TANC2: variants seen among roughly 807,000 people sequenced by gnomAD.
TANC2 encodes protein TANC2.
A neutral mutation model predicts 210.5 loss-of-function variants in TANC2; 26 were observed. The ratio of observed to expected loss-of-function variants is 0.12; its 90% CI spans 0.09 to 0.17. The LOEUF (loss-of-function observed/expected upper bound fraction) is 0.17, where lower values mean the gene tolerates loss of function less well. Ranked by LOEUF, TANC2 falls within the 10% of genes least tolerant of loss-of-function variation. The pLI, the probability that TANC2 is intolerant of heterozygous loss-of-function variation, is 1.00. For missense variants in TANC2, 2,129 were observed against 2,608.9 expected, an observed-to-expected ratio of 0.82 and a Z score of 4.01; for synonymous variants, 931 against 967.1, an observed-to-expected ratio of 0.96 and a Z score of 0.69.
intron 1 of TANC2, among the ~76,000 whole-genome samples, chr17:62,969,372 C>T (rs2031556129): frequency 6.6e-6 from 1 of 152,178 alleles, no homozygotes; most frequent in Non-Finnish European, 1.5e-5. Context: ...CTGTGCTCCT[C>T]ATCAATATGC....
chr17:63,123,683 C>CTTT lies in TANC2; in HGVS notation c.322+24347_322+24349dup, dbSNP rs957485298. On this transcript the variant is annotated intron_variant, in intron 4 of 27. Transcript: ENST00000689528. ...GTTAAAACTGTAGAGTAGGTAAAAT[C>CTTT]TTTTTTTTTTTTTTTTTTTTTTTGA... 4.3e-3 allele frequency among the ~76,000 whole-genome samples: 400 copies of CTTT among 93,912 alleles called. 3 individuals carry two copies. The highest frequency in any genetic ancestry group is 5.5e-3 in the African/African-American group (122 of 22,286). 61.6% of individuals were successfully genotyped at this position (93,912 alleles called of 152,430 possible).
intron 6 of TANC2, among the ~76,000 whole-genome samples, chr17:63,197,145 T>C (rs2041372612): frequency 6.6e-6 from 1 of 152,170 alleles, no homozygotes; most frequent in Admixed American, 6.5e-5. Flanking sequence ...ACTGTGTGAT[T>C]TGGGGGAAAT....
At chr17:63,347,482 A>G (rs1381757406) in intron 12 of TANC2, among the ~76,000 whole-genome samples, 1 of 152,246 alleles carries the variant, frequency 6.6e-6, no homozygotes. Context: ...CACTATATAT[A>G]AATTTTGTTG....
At chr17:63,014,036 C>T (rs2033996843) in intron 2 of TANC2, among the ~76,000 whole-genome samples, 1 of 151,936 alleles carries the variant, frequency 6.6e-6, no homozygotes, top group African/African-American at 2.4e-5. Flanking sequence ...TTTTGACTTA[C>T]CTTACATACT....
intron 19 of TANC2, 89 bp downstream of exon 19, chr17:63,399,003 T>G (rs917655261): frequency 1.1e-6 from 1 of 941,958 alleles, no homozygotes; most frequent in African/African-American, 1.7e-5. Flanking sequence ...TGGCATACAT[T>G]TGGCAGTCTT....
intron 3 of TANC2, among the ~76,000 whole-genome samples, chr17:63,086,524 T>A (rs1008032992): frequency 5.3e-5 from 8 of 152,350 alleles, no homozygotes; most frequent in African/African-American, 1.9e-4. Flanking sequence ...GTTTTTGATG[T>A]ACGTTTTCTT....
At chr17:63,411,313 G>A (rs948208957) in intron 21 of TANC2, among the ~76,000 whole-genome samples, 198 bp from the exon 22 acceptor site, 3 of 152,170 alleles carry the variant, frequency 2.0e-5, no homozygotes, top group Admixed American at 1.3e-4. Context: ...TAAAACGACT[G>A]GAATCTGTTT....
intron 19 of TANC2, among the ~76,000 whole-genome samples, chr17:63,402,430 T>A (rs1046023630): frequency 1.3e-5 from 2 of 152,218 alleles, no homozygotes; most frequent in South Asian, 4.1e-4. Flanking sequence ...ATAAGTGTTT[T>A]ATTAATGTCA....
In TANC2 at chr17:63,395,945, A is replaced by G; in HGVS notation, c.3237+17A>G. 1 of 1,591,542 alleles carries G rather than the reference A, an allele frequency of 6.3e-7. No homozygotes were observed. Among genetic ancestry groups the G allele is most frequent in the Non-Finnish European group, 8.6e-7 (1 of 1,167,362 alleles). On this transcript the variant is annotated intron_variant, in intron 18 of 27. Coordinates refer to ENST00000689528, the Ensembl canonical transcript of TANC2. Reference sequence around the variant, plus strand: ...TATACTGAGGTAAGAAGTAGGCAATAGGATTGTTTTTTCAAGCTCTGTATT... The same window carrying G: ...TATACTGAGGTAAGAAGTAGGCAATGGGATTGTTTTTTCAAGCTCTGTATT...
At chr17:63,139,318 T>G (rs2039203693) in intron 4 of TANC2, among the ~76,000 whole-genome samples, 1 of 152,138 alleles carries the variant, frequency 6.6e-6, no homozygotes, top group Non-Finnish European at 1.5e-5. Flanking sequence ...GAGAATTAAG[T>G]CAAGTTGCTC....
chr17:63,244,753 T>A (rs1340359806), intron 8 of TANC2, among the ~76,000 whole-genome samples: 1 of 152,202 alleles, frequency 6.6e-6, no homozygotes, highest in Non-Finnish European at 1.5e-5. Context: ...CACCCAAAAC[T>A]CATTTTGAAT....
At chr17:63,161,662 A>G (rs1387521437) in intron 5 of TANC2, among the ~76,000 whole-genome samples, 1 of 152,074 alleles carries the variant, frequency 6.6e-6, no homozygotes, top group Non-Finnish European at 1.5e-5. Flanking sequence ...ATACTCTAAG[A>G]CCTGGACCAT....
chr17:63,041,498 T>C (rs531139479), intron 2 of TANC2, among the ~76,000 whole-genome samples: 1 of 152,170 alleles, frequency 6.6e-6, no homozygotes, highest in African/African-American at 2.4e-5. Context: ...GCCTCGGAGA[T>C]GGGAAGGGGT....
At chr17:63,176,622 A>G (rs1471426973) in intron 5 of TANC2, among the ~76,000 whole-genome samples, 2 of 152,000 alleles carry the variant, frequency 1.3e-5, no homozygotes, top group South Asian at 2.1e-4. Flanking sequence ...TGGCTAACAC[A>G]GTGAAACCCC....
At chr17:63,065,488 A>G (rs910577207) in intron 2 of TANC2, among the ~76,000 whole-genome samples, 17 of 152,214 alleles carry the variant, frequency 1.1e-4, no homozygotes, top group Non-Finnish European at 2.1e-4. Context: ...GAACCTCCAT[A>G]CTGTTTTCTA....
intron 5 of TANC2, among the ~76,000 whole-genome samples, chr17:63,190,956 T>G (rs2145728457): frequency 6.6e-6 from 1 of 152,240 alleles, no homozygotes; most frequent in East Asian, 1.9e-4. Context: ...AATCCTCCCT[T>G]TTAGTGATCT....
chr17:63,318,745 T>C (rs1482481746), intron 10 of TANC2, among the ~76,000 whole-genome samples: 1 of 152,212 alleles, frequency 6.6e-6, no homozygotes, highest in Non-Finnish European at 1.5e-5. Context: ...CATCAGTTGG[T>C]GGGCATTTAG....
At position 63,110,493 on chromosome 17, in the gene TANC2, G is replaced by A. The variant is rs1485519203; in HGVS notation, c.322+11136G>A. Among the ~76,000 whole-genome samples, 3 of 151,658 alleles carry A rather than the reference G, an allele frequency of 2.0e-5. 1 individual carries two copies. Among genetic ancestry groups the A allele is most frequent in the African/African-American group, 7.3e-5 (3 of 40,950 alleles). On this transcript the variant is annotated intron_variant, in intron 4 of 27. Transcript: ENST00000689528. ...AGAAATCTATTTTCTCACAGTTCTG[G>A]TGGCTGGGAAGTCTAAGATCAAGGC...
At chr17:63,107,123 GGAAGAAAAACAA>G (rs2037856721) in intron 4 of TANC2, among the ~76,000 whole-genome samples, 1 of 151,376 alleles carries the variant, frequency 6.6e-6, no homozygotes, top group South Asian at 2.1e-4. Context: ...AAATTGGAAT[GGAAGAAAAACAA>G]TAAGAAAAAT....
Sources: allele counts gnomAD v4.1 joint callset (sites outside exome capture counted in the v4.1 genomes callset), GRCh38; gene constraint gnomAD v4.1.1; transcripts MANE v1.5; gene names NCBI Gene and HGNC (gene_info 2026-07-23, HGNC 2026-07-21).